Variants in MYO15A observed in about 807,000 individuals in gnomAD.
The protein encoded by MYO15A is unconventional myosin-XV.
MYO15A carries 308 observed loss-of-function variants against 394.6 expected under a neutral mutation model. The observed-to-expected ratio is 0.78, with a 90% confidence interval of 0.71 to 0.86. The LOEUF (loss-of-function observed/expected upper bound fraction) is 0.86. MYO15A is among the 40% of genes least tolerant of loss of function. The probability of loss-of-function intolerance (pLI) is 0.00; values close to 1 mark genes in which losing one functional copy is unlikely to be tolerated. For synonymous variants in MYO15A, 1,957 were observed against 2,003.8 expected (o/e 0.98, Z 0.62); for missense variants, 4,606 against 4,799.1 (o/e 0.96, Z 1.19).
chr17:18,172,353 C>T (rs749243209), intron 64 of MYO15A, 63 bp downstream of exon 64: 1 of 1,611,554 alleles, frequency 6.2e-7, no homozygotes, highest in South Asian at 1.1e-5. Flanking sequence ...CAACCCCCTC[C>T]AAGAGGCCAA....
rs2046635717 is a variant in MYO15A, at chr17:18,154,201, GTC to G, written c.8148+14_8148+15del. On this transcript the variant is annotated intron_variant, in intron 44 of 65. Coordinates refer to ENST00000647165, the MANE Select transcript of MYO15A (RefSeq NM_016239.4). ...CTCCTGTTCCGGCAGGTGAGGTCCT[GTC>G]TCCCCTTTCTGCCTCAGTGAACTCA... 1 of 1,613,750 alleles carries G rather than the reference GTC, an allele frequency of 6.2e-7. No individual in the cohort carries two copies. The highest frequency in any genetic ancestry group is 1.3e-5 in the African/African-American group (1 of 74,946).
Position 18,138,776 on chromosome 17 carries a change from T to C in MYO15A, c.5008-35T>C, listed in dbSNP as rs752865293. 1.9e-6 allele frequency: 3 copies of C among 1,611,552 alleles called. No individual in the cohort carries two copies. In the South Asian group the frequency reaches 3.3e-5, roughly 18 times the overall value. On this transcript the variant is annotated intron_variant, in intron 17 of 65. Transcript: ENST00000647165. ...AGGCCAGGAACAGGGTGTCCAGGCC[T>C]CCTGCCCACCCACTGATCCCTAAAT... is the stretch of plus-strand genomic sequence containing the variant.
chr17:18,163,136 C>A, intron 58 of MYO15A, 108 bp from the exon 59 acceptor site: 1 of 1,204,134 alleles, frequency 8.3e-7, no homozygotes, highest in Non-Finnish European at 1.2e-6. Context: ...TGTTCCTACA[C>A]GTGCCAGCCC....
intron 57 of MYO15A, 117 bp from the exon 58 acceptor site, chr17:18,162,468 T>A: frequency 1.1e-6 from 1 of 898,738 alleles, no homozygotes; most frequent in Non-Finnish European, 1.8e-6. Context: ...GGGGAGTAAA[T>A]GCCTTCCCCA....
Position 18,148,505 on chromosome 17 carries a change from TCTC to T in MYO15A, c.6704_6706del (p.Ser2235del). ...ACCTGCTGCGCCCCAGGTGACCAGTTCTCCTGCCCGGTGCACTCCTGGAGTACG... is the reference window on the plus strand; with the variant it reads ...ACCTGCTGCGCCCCAGGTGACCAGTTCTGCCCGGTGCACTCCTGGAGTACG... On this transcript the variant is annotated inframe_deletion, in exon 32 of 66. Transcript: ENST00000647165. The surrounding 1 kb of genome is among the most constrained non-coding windows in gnomAD (Gnocchi z 4.8). 2 of 1,552,416 alleles carry T rather than the reference TCTC, an allele frequency of 1.3e-6. No individual in the cohort carries two copies. The highest frequency in any genetic ancestry group is 1.7e-6 in the Non-Finnish European group (2 of 1,147,366).
At chr17:18,178,031 G>A (rs1329264275) in intron 65 of MYO15A, 1 of 155,154 alleles carries the variant, frequency 6.4e-6, no homozygotes, top group African/African-American at 2.4e-5. Flanking sequence ...CAGACAGTTA[G>A]AAACTGTTAC....
chr17:18,178,839 C>A lies in MYO15A; in HGVS notation c.10562C>A (p.Thr3521Lys). Residue 3521 changes from threonine (T) to lysine (K), a missense_variant, in exon 66 of 66, where the codon ACA becomes AAA. By Grantham distance (78) the Thr-to-Lys change is moderately conservative. Coordinates refer to ENST00000647165, the MANE Select transcript of MYO15A (RefSeq NM_016239.4). ...CTCAGTGCCCATGAGAAGCGGCTCA[C>A]ATTGCCCCCCAGCGAGATCACCCTG... ...NLLSAHEKRL[T>K]LPPSEITLL 6.2e-7 allele frequency: 1 copy of A among 1,613,780 alleles called. No individual in the cohort carries two copies. Among genetic ancestry groups the A allele is most frequent in the Non-Finnish European group, 8.5e-7 (1 of 1,180,016 alleles).
rs777074182 is a variant in MYO15A, at chr17:18,143,575, G to A, written c.5920G>A (p.Glu1974Lys). 5.8e-6 allele frequency: 9 copies of A among 1,559,790 alleles called. No individual in the cohort carries two copies. Among genetic ancestry groups the A allele is most frequent in the Non-Finnish European group, 7.8e-6 (9 of 1,151,554 alleles). Residue 1974 changes from glutamate to lysine, a missense_variant, in exon 26 of 66, where the codon GAG (glutamate) becomes AAG (lysine). By Grantham distance (56) the Glu-to-Lys change is moderately conservative. Around this residue, in one of 2 missense-constraint regions of MYO15A, gnomAD observed 2,776 missense variants for 3,109.3 expected, o/e 0.89. Transcript: ENST00000647165. ...SRRRYLKLRAEWRCQVEGALL... is the reference protein window; with the variant it reads ...SRRRYLKLRAKWRCQVEGALL... ...ATCTTCTCTTCTGAAGCTGAGGGCAGAGTGGAGGTGCCAGGTGGAGGGGGC... is the reference window on the plus strand; with the variant it reads ...ATCTTCTCTTCTGAAGCTGAGGGCAAAGTGGAGGTGCCAGGTGGAGGGGGC...
At chr17:18,142,400 T>C (rs2046398966) in intron 24 of MYO15A, 146 bp downstream of exon 24, 3 of 1,050,498 alleles carry the variant, frequency 2.9e-6, no homozygotes, top group Non-Finnish European at 2.8e-6. Flanking sequence ...TCAGATTCTC[T>C]GTGTCTCTGC....
At chr17:18,164,271 C>A (rs148449486) in intron 60 of MYO15A, 1 of 263,864 alleles carries the variant, frequency 3.8e-6, no homozygotes, top group Non-Finnish European at 7.4e-6. Context: ...TAGCCCCTCT[C>A]GAGGGCTCCT....
Position 18,138,784 on chromosome 17 carries a change from A to G in MYO15A, c.5008-27A>G, listed in dbSNP as rs2046325359. 8.1e-6 allele frequency: 13 copies of G among 1,612,738 alleles called. No homozygotes were observed. In the East Asian group the frequency reaches 2.9e-4, roughly 36 times the overall value. Reference sequence around the variant, plus strand: ...AACAGGGTGTCCAGGCCTCCTGCCCACCCACTGATCCCTAAATTGCCCCCA... The same window carrying G: ...AACAGGGTGTCCAGGCCTCCTGCCCGCCCACTGATCCCTAAATTGCCCCCA... On this transcript the variant is annotated intron_variant, in intron 17 of 65. Coordinates refer to ENST00000647165, the MANE Select transcript of MYO15A (RefSeq NM_016239.4).
chr17:18,134,556 TACTCA>T (rs1443347558), intron 12 of MYO15A, among the ~76,000 whole-genome samples: 1 of 152,170 alleles, frequency 6.6e-6, no homozygotes, highest in Non-Finnish European at 1.5e-5. Flanking sequence ...CCCAGGTGGT[TACTCA>T]ATTGTCCTAA....
Position 18,171,743 on chromosome 17 carries a change from C to A in MYO15A, c.10188C>A (p.Ser3396Arg). The A allele has an allele frequency of 1.2e-6, 2 of 1,611,758 alleles. No homozygotes were observed. Among genetic ancestry groups the A allele is most frequent in the South Asian group, 2.2e-5 (2 of 91,076 alleles). ...SQHRQQTQAL[S>R]PHQARAQFLG... ...ACCGGCAGCAGACACAGGCGCTCAGCCCCCACCAGGCCCGTGCCCAGTTTC... is the reference window on the plus strand; with the variant it reads ...ACCGGCAGCAGACACAGGCGCTCAGACCCCACCAGGCCCGTGCCCAGTTTC... The change falls in exon 63 of 66, where the codon AGC becomes AGA. Residue 3396 changes from serine (S) to arginine (R), a missense_variant. Transcript: ENST00000647165.
At chr17:18,156,495 T>G (rs1287186495) in intron 48 of MYO15A, among the ~76,000 whole-genome samples, 159 bp downstream of exon 48, 2 of 152,230 alleles carry the variant, frequency 1.3e-5, no homozygotes, top group Non-Finnish European at 1.5e-5. Context: ...TTCTCCCTTT[T>G]GCCTGCTCCT....
intron 43 of MYO15A, 76 bp from the exon 44 acceptor site, chr17:18,154,055 T>A: frequency 2.5e-6 from 4 of 1,606,160 alleles, no homozygotes; most frequent in Non-Finnish European, 3.4e-6. Context: ...CGGAACTGCA[T>A]TTAGGGGGCG....
At chr17:18,160,661 C>T (rs574204347) in intron 56 of MYO15A, 41 of 197,268 alleles carry the variant, frequency 2.1e-4, no homozygotes, top group African/African-American at 8.4e-4. Context: ...CTTCCATGCC[C>T]ATCTCCAAAC....
intron 54 of MYO15A, 101 bp from the exon 55 acceptor site, chr17:18,159,505 G>A (rs2046742799): frequency 2.7e-6 from 4 of 1,505,620 alleles, no homozygotes; most frequent in Admixed American, 3.5e-5. Context: ...CCAGCTGCCT[G>A]TGGCCAAGGC....
chr17:18,173,967 C>A (rs748843326), intron 65 of MYO15A, 46 bp downstream of exon 65: 1 of 1,593,138 alleles, frequency 6.3e-7, no homozygotes, highest in East Asian at 2.3e-5. Flanking sequence ...GGGCCCTTCT[C>A]TGGGCCTGGC....
Position 18,159,112 on chromosome 17 carries a change from C to T in MYO15A, c.9156+115C>T, listed in dbSNP as rs2046735408. The T allele has an allele frequency of 4.3e-6, 6 of 1,395,318 alleles. No individual in the cohort carries two copies. The Admixed American group carries it at 1.2e-4, about 27-fold the overall frequency. 86.4% of individuals were successfully genotyped at this position (1,395,318 alleles called of 1,614,324 possible). The stretch of plus-strand genomic sequence containing the variant: ...CAGTGAGACCCTCTGATTCTCAGCA[C>T]CCTGATTCCCTCCCAAGGACAGCCT... On this transcript the variant is annotated intron_variant, in intron 53 of 65. Coordinates refer to ENST00000647165, the MANE Select transcript of MYO15A (RefSeq NM_016239.4).
Sources: gnomAD v4.1 joint callset for allele counts (sites outside exome capture counted in the v4.1 genomes callset) on GRCh38, gnomAD v4.1.1 for gene constraint, gnomAD v4.1.1 regional missense constraint, Gnocchi (gnomAD v3.1) non-coding constraint, MANE v1.5 for transcripts, NCBI Gene and HGNC (gene_info 2026-07-23, HGNC 2026-07-21) for gene names.